Variants in FUT8 observed in about 807,000 individuals in gnomAD.
FUT8 encodes the protein alpha-(1,6)-fucosyltransferase.
In FUT8, 29 loss-of-function variants were observed where a neutral mutation model predicts 71.3. That is an observed-to-expected ratio of 0.41 (90% confidence interval 0.30 to 0.55). FUT8 has a LOEUF of 0.55. Among genes scored for constraint, FUT8 ranks in the 20% least tolerant of loss-of-function variants. FUT8 has a pLI of 0.34. For missense variants in FUT8, 544 were observed against 702.1 expected (o/e 0.77, Z 2.55); for synonymous variants, 254 against 239.3 (o/e 1.06, Z -0.57).
intron 7 of FUT8, among the ~76,000 whole-genome samples, chr14:65,684,931 A>G (rs1893207451): frequency 6.6e-6 from 1 of 152,232 alleles, no homozygotes; most frequent in African/African-American, 2.4e-5. Flanking sequence ...GCATTTTGGT[A>G]AAACAGTATG....
At chr14:65,362,918 C>T in the FUT8 span, among the ~76,000 whole-genome samples, 452 of 128,704 alleles carry the variant, frequency 3.5e-3, 2 homozygotes, top group African/African-American at 0.012. Flanking sequence ...GCTGAGTTTG[C>T]GCCTCTGTAC....
intron 1 of FUT8, among the ~76,000 whole-genome samples, chr14:65,418,531 A>G (rs1341465548): frequency 6.6e-6 from 1 of 152,224 alleles, no homozygotes; most frequent in African/African-American, 2.4e-5. Flanking sequence ...AATTAATACA[A>G]TTGATAGTAA....
intron 2 of FUT8, among the ~76,000 whole-genome samples, chr14:65,536,577 AC>A (rs1372112915): frequency 6.6e-6 from 1 of 151,804 alleles, no homozygotes; most frequent in African/African-American, 2.4e-5. Flanking sequence ...TTGAATATAG[AC>A]CCCCAATCTC....
Position 65,467,371 on chromosome 14 carries a change from C to T in FUT8, c.-228+11653C>T, listed in dbSNP as rs758748978. On this transcript the variant is annotated intron_variant, in intron 2 of 10. Coordinates refer to ENST00000673929, the MANE Select transcript of FUT8 (RefSeq NM_001371533.1). This position sits in a 1 kb window ranked among gnomAD's most constrained non-coding sequence, Gnocchi z 4.1. The stretch of plus-strand genomic sequence containing the variant: ...GGAGTGCAGTGGCACGATCTTGGCT[C>T]ACTGCAACCACTGCCTCCCGGGTTC... Among the ~76,000 whole-genome samples the T allele has an allele frequency of 1.4e-4, 21 of 152,296 alleles. No homozygotes were observed. Among genetic ancestry groups the T allele is most frequent in the Admixed American group, 5.2e-4 (8 of 15,308 alleles).
At chr14:65,502,074 C>A (rs1409461748) in intron 2 of FUT8, among the ~76,000 whole-genome samples, 1 of 151,940 alleles carries the variant, frequency 6.6e-6, no homozygotes, top group African/African-American at 2.4e-5. Flanking sequence ...CCACACCCAG[C>A]TAATTTTTGT....
In FUT8 at chr14:65,460,805, A is replaced by T. The variant is rs1594655022; in HGVS notation, c.-228+5087A>T. Among the ~76,000 whole-genome samples the T allele has an allele frequency of 2.6e-5, 4 of 152,114 alleles. 1 individual carries two copies. In the South Asian group the frequency reaches 8.3e-4, roughly 32 times the overall value. On this transcript the variant is annotated intron_variant, in intron 2 of 10. Coordinates refer to ENST00000673929, the MANE Select transcript of FUT8 (RefSeq NM_001371533.1). ...GTGGTGGCGATGAGGCTTGATTAGG[A>T]TTGGGTAGGTATCATGATAAAACAG... is the stretch of plus-strand genomic sequence containing the variant.
In FUT8 at chr14:65,643,665, T is replaced by TACACACACACACACACACACAC. The variant is rs60967671; in HGVS notation, c.597+14088_597+14109dup. On this transcript the variant is annotated intron_variant, in intron 6 of 10. Transcript: ENST00000673929. The surrounding 1 kb of genome is among the most constrained non-coding windows in gnomAD (Gnocchi z 4.5). Reference sequence around the variant, plus strand: ...CGAGACTCCGTCTTTAAAAAAAAAATACACACACACACACACACACACACA... The same window carrying TACACACACACACACACACACAC: ...CGAGACTCCGTCTTTAAAAAAAAAATACACACACACACACACACACACACACACACACACACACACACACACA... Among the ~76,000 whole-genome samples, 42 of 124,738 alleles carry TACACACACACACACACACACAC rather than the reference T, an allele frequency of 3.4e-4. 1 individual carries two copies. The highest frequency in any genetic ancestry group is 1.3e-3 in the East Asian group (5 of 3,828). The allele number at this position is 124,738 out of a possible 152,430, so 81.8% of individuals were successfully genotyped here. A position where few individuals can be genotyped will look rare whatever the true frequency, so the allele number is the denominator to read the frequency against.
intron 2 of FUT8, among the ~76,000 whole-genome samples, chr14:65,535,718 A>C (rs1884261102): frequency 6.6e-6 from 1 of 152,130 alleles, no homozygotes; most frequent in Admixed American, 6.5e-5. Context: ...TCAGTTTTAG[A>C]GTATGTGCCA....
Position 65,455,627 on chromosome 14 carries a change from G to A in FUT8, c.-319G>A, listed in dbSNP as rs2065885308. 2.5e-6 allele frequency: 1 copy of A among 398,344 alleles called. No individual in the cohort carries two copies. The highest frequency in any genetic ancestry group is 4.4e-6 in the Non-Finnish European group (1 of 225,918). 24.7% of individuals were successfully genotyped at this position (398,344 alleles called of 1,614,324 possible). On this transcript the variant is annotated 5_prime_UTR_variant, in exon 2 of 11. Coordinates refer to ENST00000673929, the MANE Select transcript of FUT8 (RefSeq NM_001371533.1). ...TATTTTTATTTTGTTTCAGGTTGCT[G>A]CTTTTGCTCAGAGGACATCCATGAC...
intron 3 of FUT8, among the ~76,000 whole-genome samples, chr14:65,577,719 C>A (rs1886867119): frequency 2.6e-5 from 4 of 152,048 alleles, no homozygotes; most frequent in Admixed American, 2.6e-4. Context: ...ATCACTTAAC[C>A]TCTTTGGGTC....
At chr14:65,636,418 C>T (rs1258300388) in intron 6 of FUT8, 2 of 151,620 alleles carry the variant, frequency 1.3e-5, no homozygotes, top group Non-Finnish European at 2.9e-5. Flanking sequence ...TTCTCTAGTT[C>T]CTTGAGGTGT....
chr14:65,445,361 C>A (rs979373350), intron 1 of FUT8, among the ~76,000 whole-genome samples: 1 of 152,196 alleles, frequency 6.6e-6, no homozygotes, highest in Non-Finnish European at 1.5e-5. Flanking sequence ...CTTGGACTTA[C>A]CAGCCTCCAG....
At position 65,607,205 on chromosome 14, in the gene FUT8, C is replaced by G. The variant is rs1419520323; in HGVS notation, c.204-8773C>G. Among the ~76,000 whole-genome samples the G allele has an allele frequency of 6.6e-6, 1 of 151,660 alleles. No homozygotes were observed. The highest frequency in any genetic ancestry group is 1.5e-5 in the Non-Finnish European group (1 of 67,846). Reference sequence around the variant, plus strand: ...AAGTCTTACTTCTTTATCTTATTACCTCAGCTAAGGCCTTCAGTACAGTGA... The same window carrying G: ...AAGTCTTACTTCTTTATCTTATTACGTCAGCTAAGGCCTTCAGTACAGTGA... On this transcript the variant is annotated intron_variant, in intron 3 of 10. Coordinates refer to ENST00000673929, the MANE Select transcript of FUT8 (RefSeq NM_001371533.1). This position sits in a 1 kb window ranked among gnomAD's most constrained non-coding sequence, Gnocchi z 4.1.
chr14:65,547,494 G>A (rs1401106803), intron 2 of FUT8, among the ~76,000 whole-genome samples: 1 of 151,230 alleles, frequency 6.6e-6, no homozygotes, highest in Non-Finnish European at 1.5e-5. Flanking sequence ...GGGGCAGGGT[G>A]GAAAAAAGAG....
intron 2 of FUT8, chr14:65,471,096 G>T (rs1423306374): frequency 6.4e-6 from 3 of 466,872 alleles, no homozygotes; most frequent in Admixed American, 2.3e-5. Context: ...TACTGATGTG[G>T]TGGTAAGGGT....
chr14:65,604,697 GAAACAA>G (rs1421661741), intron 3 of FUT8, among the ~76,000 whole-genome samples: 1 of 151,782 alleles, frequency 6.6e-6, no homozygotes, highest in African/African-American at 2.4e-5. Flanking sequence ...AGGAACTAGA[GAAACAA>G]GAACAAGAAC....
upstream of FUT8, among the ~76,000 whole-genome samples, chr14:65,405,780 T>A (rs563052906): frequency 3.3e-5 from 5 of 152,378 alleles, no homozygotes; most frequent in South Asian, 1.0e-3. Flanking sequence ...TATTCTCTAA[T>A]GCAGAATGAG....
intron 2 of FUT8, among the ~76,000 whole-genome samples, chr14:65,538,168 C>A (rs1314321307): frequency 6.6e-6 from 1 of 152,182 alleles, no homozygotes; most frequent in Non-Finnish European, 1.5e-5. Context: ...CACACCAAAC[C>A]CTCTGGGCTC....
chr14:65,646,829 T>A (rs1233420046), intron 6 of FUT8, among the ~76,000 whole-genome samples: 1 of 152,162 alleles, frequency 6.6e-6, no homozygotes, highest in African/African-American at 2.4e-5. Flanking sequence ...TACAAATACA[T>A]CTCTGTGCAA....
Sources: gnomAD v4.1 joint callset for allele counts (sites outside exome capture counted in the v4.1 genomes callset) on GRCh38, gnomAD v4.1.1 for gene constraint, Gnocchi (gnomAD v3.1) non-coding constraint, MANE v1.5 for transcripts, NCBI Gene and HGNC (gene_info 2026-07-23, HGNC 2026-07-21) for gene names.